Variants in KCND2 observed in about 807,000 individuals in gnomAD.
KCND2 encodes potassium voltage-gated channel subfamily D member 2, also known as A-type voltage-gated potassium channel KCND2.
Under a neutral mutation model 54.4 loss-of-function variants are expected in KCND2, and 16 were observed. That is an observed-to-expected ratio of 0.29 (90% CI 0.20 to 0.45). KCND2 has a LOEUF of 0.45. Ranked by LOEUF, KCND2 falls within the 20% of genes least tolerant of loss-of-function variation. KCND2 has a pLI of 1.00. For synonymous variants in KCND2, 317 were observed against 310.7 expected, an observed-to-expected ratio of 1.02 and a Z score of -0.21; for missense variants, 486 against 824.2, an observed-to-expected ratio of 0.59 and a Z score of 5.02.
At chr7:120,698,726 C>T (rs1398095846) in intron 1 of KCND2, among the ~76,000 whole-genome samples, 2 of 152,234 alleles carry the variant, frequency 1.3e-5, no homozygotes, top group African/African-American at 4.8e-5. Flanking sequence ...AAAAGGTAGA[C>T]CAGCTTTCCA....
intron 1 of KCND2, among the ~76,000 whole-genome samples, chr7:120,567,525 A>T (rs1216436510): frequency 6.6e-6 from 1 of 152,144 alleles, no homozygotes; most frequent in Admixed American, 6.5e-5. Flanking sequence ...AATGTGGTAA[A>T]GTACTTCCAG....
At chr7:120,643,604 C>G (rs1407737493) in intron 1 of KCND2, among the ~76,000 whole-genome samples, 2 of 151,720 alleles carry the variant, frequency 1.3e-5, no homozygotes, top group African/African-American at 4.8e-5. Flanking sequence ...ATATTAGAAG[C>G]CAAAGTCCTT....
chr7:120,482,828 C>CT (rs1382632511), intron 1 of KCND2, among the ~76,000 whole-genome samples: 2 of 152,136 alleles, frequency 1.3e-5, no homozygotes, highest in African/African-American at 4.8e-5. Flanking sequence ...TAAAACAACA[C>CT]TTTAAGAATT....
chr7:120,550,344 G>A (rs916372805), intron 1 of KCND2, among the ~76,000 whole-genome samples: 5 of 151,888 alleles, frequency 3.3e-5, no homozygotes, highest in East Asian at 1.9e-4. Context: ...AACATTCAGC[G>A]GTAAGTCAGA....
At chr7:120,636,572 G>A (rs148593366) in intron 1 of KCND2, among the ~76,000 whole-genome samples, 15 of 152,006 alleles carry the variant, frequency 9.9e-5, no homozygotes, top group Admixed American at 5.9e-4. Flanking sequence ...ATTTTTTGCC[G>A]TGCTTGCCAA....
rs551230531 is a variant in KCND2 at position 120,479,228 on chromosome 7, G to A, written c.1115+203481G>A. 6.6e-5 allele frequency among the ~76,000 whole-genome samples: 10 copies of A among 152,050 alleles called. No individual in the cohort carries two copies. The South Asian group carries it at 8.3e-4, about 13-fold the overall frequency. On this transcript the variant is annotated intron_variant, in intron 1 of 5. Coordinates refer to ENST00000331113, the MANE Select transcript of KCND2 (RefSeq NM_012281.3). Reference sequence around the variant, plus strand: ...CTAAGAAGCTTACAATGTGTCCTCCGCTACCTTGGGATTTGTTTTTAAGAA... The same window carrying A: ...CTAAGAAGCTTACAATGTGTCCTCCACTACCTTGGGATTTGTTTTTAAGAA...
At chr7:120,679,527 G>T (rs1376841156) in intron 1 of KCND2, among the ~76,000 whole-genome samples, 1 of 151,784 alleles carries the variant, frequency 6.6e-6, no homozygotes. Context: ...TGAGACATTG[G>T]GATTTGAAAT....
At chr7:120,582,663 C>T (rs1233187256) in intron 1 of KCND2, among the ~76,000 whole-genome samples, 2 of 152,060 alleles carry the variant, frequency 1.3e-5, no homozygotes, top group Non-Finnish European at 2.9e-5. Context: ...GATATAGACC[C>T]AAGCAAATCT....
intron 1 of KCND2, among the ~76,000 whole-genome samples, chr7:120,595,768 A>G (rs968249176): frequency 2.6e-5 from 4 of 151,782 alleles, no homozygotes; most frequent in African/African-American, 9.7e-5. Context: ...AAAATGATGG[A>G]CTGAGTTTTT....
intron 1 of KCND2, among the ~76,000 whole-genome samples, chr7:120,519,500 G>A (rs760773686): frequency 5.3e-5 from 8 of 152,124 alleles, no homozygotes; most frequent in Non-Finnish European, 1.0e-4. Flanking sequence ...TTCTTCTCTA[G>A]CATCACACCT....
At chr7:120,321,220 A>G (rs894774098) in intron 1 of KCND2, among the ~76,000 whole-genome samples, 3 of 152,150 alleles carry the variant, frequency 2.0e-5, no homozygotes, top group Admixed American at 6.6e-5. Context: ...AATAATCATA[A>G]TAACTTGTGA....
intron 1 of KCND2, among the ~76,000 whole-genome samples, chr7:120,286,818 CTG>C (rs1279156665): frequency 1.3e-5 from 2 of 151,902 alleles, no homozygotes; most frequent in African/African-American, 4.8e-5. Context: ...CTTTTTTACT[CTG>C]TGCATTTTCA....
chr7:120,413,691 AC>A (rs1801483311), intron 1 of KCND2, among the ~76,000 whole-genome samples: 2 of 152,082 alleles, frequency 1.3e-5, no homozygotes, highest in Admixed American at 1.3e-4. Flanking sequence ...TTATAAAAAA[AC>A]ACCAAAAAAA....
intron 1 of KCND2, among the ~76,000 whole-genome samples, chr7:120,628,450 G>A (rs1474218250): frequency 6.6e-6 from 1 of 151,832 alleles, no homozygotes; most frequent in African/African-American, 2.4e-5. Context: ...CTGAGGCAAA[G>A]TTAGCTGCAA....
chr7:120,468,557 A>G (rs1802411467), intron 1 of KCND2, among the ~76,000 whole-genome samples: 1 of 152,180 alleles, frequency 6.6e-6, no homozygotes, highest in Non-Finnish European at 1.5e-5. Context: ...TTTTGGAAAC[A>G]ATACAAGTGA....
At chr7:120,356,910 CG>C (rs1800514287) in intron 1 of KCND2, among the ~76,000 whole-genome samples, 1 of 152,030 alleles carries the variant, frequency 6.6e-6, no homozygotes, top group African/African-American at 2.4e-5. Flanking sequence ...ACTGGGGTTG[CG>C]GGAGTGACAA....
intron 1 of KCND2, among the ~76,000 whole-genome samples, chr7:120,310,044 G>T (rs955237305): frequency 3.9e-5 from 6 of 152,126 alleles, no homozygotes; most frequent in Non-Finnish European, 7.3e-5. Flanking sequence ...CCTCAAGAGG[G>T]AACACTGAGT....
intron 1 of KCND2, among the ~76,000 whole-genome samples, chr7:120,578,968 A>C (rs980631029): frequency 6.6e-6 from 1 of 151,980 alleles, no homozygotes; most frequent in Admixed American, 6.6e-5. Flanking sequence ...GAAATAAAGA[A>C]ATAAAGTTTG....
chr7:120,564,859 T>A (rs529160499), intron 1 of KCND2, among the ~76,000 whole-genome samples: 1 of 152,284 alleles, frequency 6.6e-6, no homozygotes, highest in South Asian at 2.1e-4. Context: ...CTCAAATGAT[T>A]CTGGTATATG....
Sources: allele counts gnomAD v4.1 joint callset (sites outside exome capture counted in the v4.1 genomes callset), GRCh38; gene constraint gnomAD v4.1.1; transcripts MANE v1.5; gene names NCBI Gene and HGNC (gene_info 2026-07-23, HGNC 2026-07-21).